DCC: variants seen among roughly 807,000 people sequenced by gnomAD.
DCC encodes DCC netrin 1 receptor, also known as netrin receptor DCC.
A neutral mutation model predicts 172.5 loss-of-function variants in DCC; 58 were observed. The observed-to-expected ratio is 0.34, with a 90% CI of 0.27 to 0.42. The LOEUF (loss-of-function observed/expected upper bound fraction) is 0.42, where lower values mean the gene tolerates loss of function less well. DCC is among the 10% of genes least tolerant of loss of function. The pLI is 1.00. For synonymous variants in DCC, 709 were observed against 644.5 expected, an observed-to-expected ratio of 1.10 and a Z score of -1.52; for missense variants, 1,740 against 1,791.0, an observed-to-expected ratio of 0.97 and a Z score of 0.51.
At chr18:53,490,125 T>C (rs1255352962) in intron 26 of DCC, among the ~76,000 whole-genome samples, 1 of 152,172 alleles carries the variant, frequency 6.6e-6, no homozygotes, top group African/African-American at 2.4e-5. Flanking sequence ...TTTCTGCCTC[T>C]GTTCTCCCTC....
intron 1 of DCC, among the ~76,000 whole-genome samples, chr18:52,455,187 A>C (rs951854967): frequency 4.6e-5 from 7 of 152,206 alleles, no homozygotes; most frequent in African/African-American, 1.7e-4. Context: ...TAATTTAATT[A>C]ATTTATTTGT....
chr18:52,734,051 C>T (rs911879281), intron 1 of DCC, among the ~76,000 whole-genome samples: 7 of 151,998 alleles, frequency 4.6e-5, no homozygotes, highest in Admixed American at 4.6e-4. Flanking sequence ...TTATGAACAT[C>T]TGTATCATCT....
chr18:53,125,744 C>A (rs574331255), intron 7 of DCC, among the ~76,000 whole-genome samples: 2 of 152,104 alleles, frequency 1.3e-5, no homozygotes, highest in Non-Finnish European at 2.9e-5. Context: ...TTGGACCACA[C>A]GCAGCTCCGA....
chr18:52,607,754 T>C (rs1368257835), intron 1 of DCC, among the ~76,000 whole-genome samples: 2 of 152,186 alleles, frequency 1.3e-5, no homozygotes, highest in Non-Finnish European at 2.9e-5. Flanking sequence ...GTTTATATTC[T>C]ATGACAATTT....
At position 53,485,222 on chromosome 18, in the gene DCC, T is replaced by G. The variant is rs140206941; in HGVS notation, c.3737-1575T>G. ...CTTCACTATGGTAACCAACCTACTA[T>G]CTACATGTATCTATATGTGTCTCAA... On this transcript the variant is annotated intron_variant, in intron 25 of 28. Transcript: ENST00000442544. Among the ~76,000 whole-genome samples, 1,276 of 152,264 alleles carry G rather than the reference T, an allele frequency of 8.4e-3. 7 individuals carry two copies. The highest frequency in any genetic ancestry group is 0.02 in the Middle Eastern group (6 of 294).
At chr18:52,445,829 A>G (rs1988102585) in intron 1 of DCC, among the ~76,000 whole-genome samples, 1 of 152,222 alleles carries the variant, frequency 6.6e-6, no homozygotes, top group Non-Finnish European at 1.5e-5. Flanking sequence ...TTTTGGGGGA[A>G]GGTAGCGTTC....
At chr18:52,459,591 C>A (rs1163681701) in intron 1 of DCC, among the ~76,000 whole-genome samples, 1 of 151,936 alleles carries the variant, frequency 6.6e-6, no homozygotes, top group African/African-American at 2.4e-5. Context: ...CCTCAGCCTC[C>A]CCAGTAGCTG....
At chr18:52,570,661 T>A (rs76275113) in intron 1 of DCC, among the ~76,000 whole-genome samples, 6,277 of 152,280 alleles carry the variant, frequency 0.041, 159 homozygotes, top group Non-Finnish European at 0.054. Context: ...TTAGAATGGA[T>A]TTAGAAACTT....
At chr18:53,426,910 A>T (rs1234589156) in intron 21 of DCC, among the ~76,000 whole-genome samples, 1 of 152,088 alleles carries the variant, frequency 6.6e-6, no homozygotes. Context: ...GTGTTTTCAG[A>T]CTGCAGCTGC....
chr18:52,618,669 A>G (rs1387459856), intron 1 of DCC, among the ~76,000 whole-genome samples: 1 of 152,214 alleles, frequency 6.6e-6, no homozygotes. Flanking sequence ...TAGGTTTCAT[A>G]CAGGAATTTA....
At chr18:53,058,276 G>A (rs142460447) in intron 5 of DCC, among the ~76,000 whole-genome samples, 1 of 152,146 alleles carries the variant, frequency 6.6e-6, no homozygotes, top group East Asian at 1.9e-4. Context: ...CTACAGAAAA[G>A]GAATGAGAAA....
intron 15 of DCC, among the ~76,000 whole-genome samples, chr18:53,351,380 T>TAGTATATATATATAC (rs1555656842): frequency 1.6e-5 from 1 of 62,684 alleles, no homozygotes; most frequent in African/African-American, 6.9e-5. Flanking sequence ...TATATATATA[T>TAGTATATATATATAC]ACAGTATATA....
intron 22 of DCC, among the ~76,000 whole-genome samples, chr18:53,446,647 T>G (rs1912629094): frequency 6.6e-6 from 1 of 152,200 alleles, no homozygotes; most frequent in Non-Finnish European, 1.5e-5. Context: ...TAAAATTTAT[T>G]TGTAACCCCC....
At chr18:53,282,317 A>G (rs1323422065) in intron 12 of DCC, among the ~76,000 whole-genome samples, 3 of 152,148 alleles carry the variant, frequency 2.0e-5, no homozygotes, top group Admixed American at 6.6e-5. Context: ...ACTGTTTTCC[A>G]GGCAAGAGCA....
chr18:52,554,686 A>G (rs1224122689), intron 1 of DCC, among the ~76,000 whole-genome samples: 2 of 152,138 alleles, frequency 1.3e-5, no homozygotes, highest in Non-Finnish European at 2.9e-5. Context: ...CAATGGTCTC[A>G]TTCTTCTGTG....
chr18:53,357,249 C>T (rs1029239795), intron 15 of DCC, among the ~76,000 whole-genome samples: 6 of 152,126 alleles, frequency 3.9e-5, no homozygotes, highest in Admixed American at 3.9e-4. Flanking sequence ...TCCTAACTGT[C>T]ATATTGTATT....
chr18:52,714,581 G>T (rs2036347304), intron 1 of DCC, among the ~76,000 whole-genome samples: 1 of 152,194 alleles, frequency 6.6e-6, no homozygotes, highest in Non-Finnish European at 1.5e-5. Context: ...GAGTGAGTGA[G>T]TTGAGAGGCT....
At chr18:52,699,180 A>G (rs532966212) in intron 1 of DCC, among the ~76,000 whole-genome samples, 1 of 152,308 alleles carries the variant, frequency 6.6e-6, no homozygotes, top group East Asian at 1.9e-4. Flanking sequence ...AACAGTTCCA[A>G]AGCTTGGAAG....
rs115195298 is a variant in DCC, at chr18:52,983,404, C to T, written c.985+58034C>T. Among the ~76,000 whole-genome samples the T allele has an allele frequency of 5.5e-3, 844 of 152,226 alleles. 12 individuals carry two copies. The highest frequency in any genetic ancestry group is 0.019 in the African/African-American group (804 of 41,548). Reference sequence around the variant, plus strand: ...AACTTTACTTCAATTTTTAATCTACCTATCAAATTTTTATCCTATCTGGGA... The same window carrying T: ...AACTTTACTTCAATTTTTAATCTACTTATCAAATTTTTATCCTATCTGGGA... On this transcript the variant is annotated intron_variant, in intron 5 of 28. Coordinates refer to ENST00000442544, the MANE Select transcript of DCC (RefSeq NM_005215.4).
Sources: gnomAD v4.1 joint callset for allele counts (sites outside exome capture counted in the v4.1 genomes callset) on GRCh38, gnomAD v4.1.1 for gene constraint, MANE v1.5 for transcripts, NCBI Gene and HGNC (gene_info 2026-07-23, HGNC 2026-07-21) for gene names.